TRIM47: variants seen among roughly 807,000 people sequenced by gnomAD.
TRIM47 encodes the protein E3 ubiquitin-protein ligase TRIM47.
TRIM47 carries 46 observed loss-of-function variants against 54.4 expected under a neutral mutation model. The observed-to-expected ratio is 0.84, with a 90% confidence interval of 0.67 to 1.08. The LOEUF (loss-of-function observed/expected upper bound fraction) is 1.08. Ranked by LOEUF, TRIM47 falls within the 50% of genes least tolerant of loss-of-function variation. TRIM47 has a pLI of 0.00. For synonymous variants in TRIM47, 392 were observed against 410.2 expected, an observed-to-expected ratio of 0.96 and a Z score of 0.54; for missense variants, 825 against 910.1, an observed-to-expected ratio of 0.91 and a Z score of 1.20.
chr17:75,876,570 G>A (rs555956989), intron 2 of TRIM47, 78 bp from the exon 3 acceptor site: 7 of 1,504,672 alleles, frequency 4.7e-6, no homozygotes, highest in East Asian at 4.9e-5. Flanking sequence ...CCCTGACCCC[G>A]GCTTCCCACC....
Position 75,877,786 on chromosome 17 carries a change from G to A in TRIM47, c.675+88C>T, listed in dbSNP as rs887117521. ...GAGGAGGAGATTAAGACCCAACCCG[G>A]GAAGACTGGGGGGTCCAAGGTCCTC... On this transcript the variant is annotated intron_variant, in intron 1 of 5. Transcript: ENST00000254816. The A allele has an allele frequency of 3.2e-5, 40 of 1,266,148 alleles. No homozygotes were observed. In the South Asian group the frequency reaches 5.4e-4, roughly 17 times the overall value. 78.4% of individuals were successfully genotyped at this position (1,266,148 alleles called of 1,614,324 possible).
Position 75,875,045 on chromosome 17 carries a change from A to G in TRIM47, c.1355T>C (p.Val452Ala). 1.2e-6 allele frequency: 2 copies of G among 1,613,536 alleles called. No homozygotes were observed. Among genetic ancestry groups the G allele is most frequent in the Non-Finnish European group, 1.7e-6 (2 of 1,179,614 alleles). Residue 452 changes from valine (V) to alanine (A), a missense_variant, in exon 6 of 6, where the codon GTG becomes GCG. Physicochemically the swap from Val to Ala is moderately conservative, Grantham distance 64. Transcript: ENST00000254816. This position sits in a 1 kb window ranked among gnomAD's most constrained non-coding sequence, Gnocchi z 6.1. The part of the protein sequence containing the change: ...QLFGTKGVKR[V>A]LCPINYPLSP... ...CAAGGGGTAGTTGATAGGACACAGC[A>G]CCCTCTTGACACCTTTGGTTCCAAA...
intron 2 of TRIM47, 33 bp downstream of exon 2, chr17:75,876,684 TG>T (rs2065137160): frequency 6.2e-7 from 1 of 1,609,850 alleles, no homozygotes. Context: ...TTGTTTGGAG[TG>T]GATTGTTCCA....
chr17:75,875,240 C>T lies in TRIM47; in HGVS notation c.1277-117G>A. 6.9e-7 allele frequency: 1 copy of T among 1,440,642 alleles called. No individual in the cohort carries two copies. The highest frequency in any genetic ancestry group is 9.4e-7 in the Non-Finnish European group (1 of 1,067,140). 89.2% of individuals were successfully genotyped at this position (1,440,642 alleles called of 1,614,324 possible). A position where few individuals can be genotyped will look rare whatever the true frequency, so the allele number is the denominator to read the frequency against. ...CCTCTCCCCTGCTTTCCAACCGGCA[C>T]AACCCAGCCCCGCCGGGGACCACCC... is the stretch of plus-strand genomic sequence containing the variant. On this transcript the variant is annotated intron_variant, in intron 5 of 5. Transcript: ENST00000254816. The surrounding 1 kb of genome is among the most constrained non-coding windows in gnomAD (Gnocchi z 6.1).
Position 75,875,199 on chromosome 17 carries a change from C to G in TRIM47, c.1277-76G>C, listed in dbSNP as rs1180418701. Reference sequence around the variant, plus strand: ...GGCACGGCCCCTCCCCAAGTACCCACCCCCCCAAAACACAGCCTCTCCCCT... The same window carrying G: ...GGCACGGCCCCTCCCCAAGTACCCAGCCCCCCAAAACACAGCCTCTCCCCT... On this transcript the variant is annotated intron_variant, in intron 5 of 5. Transcript: ENST00000254816. The surrounding 1 kb of genome is among the most constrained non-coding windows in gnomAD (Gnocchi z 6.1). 4 of 1,494,672 alleles carry G rather than the reference C, an allele frequency of 2.7e-6. No homozygotes were observed. Among genetic ancestry groups the G allele is most frequent in the Non-Finnish European group, 3.6e-6 (4 of 1,116,084 alleles). The allele number at this position is 1,494,672 out of a possible 1,614,324, so 92.6% of individuals were successfully genotyped here. A position where few individuals can be genotyped will look rare whatever the true frequency, so the allele number is the denominator to read the frequency against.
In TRIM47 at chr17:75,874,473, G is replaced by A. The variant is rs201003902; in HGVS notation, c.*10C>T. 3.9e-5 allele frequency: 58 copies of A among 1,491,698 alleles called. No individual in the cohort carries two copies. The highest frequency in any genetic ancestry group is 7.0e-5 in the African/African-American group (5 of 71,240). 92.4% of individuals were successfully genotyped at this position (1,491,698 alleles called of 1,614,324 possible). On this transcript the variant is annotated 3_prime_UTR_variant, in exon 6 of 6. Transcript: ENST00000254816. The surrounding 1 kb of genome is among the most constrained non-coding windows in gnomAD (Gnocchi z 6.2). The stretch of plus-strand genomic sequence containing the variant: ...AGCAGAGACGGCAGCAGGAGCGCCC[G>A]TGCCCGGCATCACCTCCTCTTCAGC...
chr17:75,876,187 C>T (rs2143971611), intron 3 of TRIM47, 75 bp downstream of exon 3: 3 of 1,564,440 alleles, frequency 1.9e-6, no homozygotes, highest in African/African-American at 1.3e-5. Flanking sequence ...AAGTCATGCA[C>T]CCACTGCCTC....
Position 75,875,567 on chromosome 17 carries a change from G to T in TRIM47, c.1202-93C>A. 8.5e-7 allele frequency: 1 copy of T among 1,178,436 alleles called. No individual in the cohort carries two copies. 73.0% of individuals were successfully genotyped at this position (1,178,436 alleles called of 1,614,324 possible). On this transcript the variant is annotated intron_variant, in intron 4 of 5. Coordinates refer to ENST00000254816, the MANE Select transcript of TRIM47 (RefSeq NM_033452.3). This position sits in a 1 kb window ranked among gnomAD's most constrained non-coding sequence, Gnocchi z 6.1. Reference sequence around the variant, plus strand: ...CCTACCCCCTTCACTTCCTCCCAGAGTCCAGAGCCACCAGGGAGCAAGCAC... The same window carrying T: ...CCTACCCCCTTCACTTCCTCCCAGATTCCAGAGCCACCAGGGAGCAAGCAC...
At position 75,875,390 on chromosome 17, in the gene TRIM47, G is replaced by A. The variant is rs371104540; in HGVS notation, c.1276+10C>T. 7.2e-5 allele frequency: 116 copies of A among 1,613,412 alleles called. No individual in the cohort carries two copies. The highest frequency in any genetic ancestry group is 9.4e-5 in the African/African-American group (7 of 74,864). On this transcript the variant is annotated intron_variant, in intron 5 of 5. Coordinates refer to ENST00000254816, the MANE Select transcript of TRIM47 (RefSeq NM_033452.3). The surrounding 1 kb of genome is among the most constrained non-coding windows in gnomAD (Gnocchi z 6.1). ...CAGTGTGAGTGGAGGGGGCACGGGC[G>A]TCCACTTACACTTGAGGAAATAGTC...
chr17:75,875,887 G>A lies in TRIM47; in HGVS notation c.1201+14C>T. 1 of 1,608,830 alleles carries A rather than the reference G, an allele frequency of 6.2e-7. No homozygotes were observed. Among genetic ancestry groups the A allele is most frequent in the Non-Finnish European group, 8.5e-7 (1 of 1,178,574 alleles). ...AGAGGGTGAGTCATCGGGGGGGCGT[G>A]GGGCGGTGCCCACCTTCCGAGTCCA... On this transcript the variant is annotated intron_variant, in intron 4 of 5. Coordinates refer to ENST00000254816, the MANE Select transcript of TRIM47 (RefSeq NM_033452.3). This position sits in a 1 kb window ranked among gnomAD's most constrained non-coding sequence, Gnocchi z 6.1.
Position 75,877,930 on chromosome 17 carries a change from G to A in TRIM47, c.619C>T (p.Gln207Ter). Residue 207 changes from glutamine (Q) to a stop codon, truncating the protein, a stop_gained, in exon 1 of 6, where the codon CAG (glutamine) becomes TAG (stop). Transcript: ENST00000254816. LOFTEE classifies it high-confidence loss of function. ...ACCAGCTCGTGGCCGCGGTGCTCCT[G>A]TGCGGCGCAGGCCTCGCACAGACAC... The part of the protein sequence containing the change: ...RVCLCEACAA[Q>*]EHRGHELVPL... 2.1e-6 allele frequency: 3 copies of A among 1,441,784 alleles called. No homozygotes were observed. The highest frequency in any genetic ancestry group is 2.6e-5 in the Admixed American group (1 of 37,774). The allele number at this position is 1,441,784 out of a possible 1,614,324, so 89.3% of individuals were successfully genotyped here. A position where few individuals can be genotyped will look rare whatever the true frequency, so the allele number is the denominator to read the frequency against.
In TRIM47 at chr17:75,874,863, G is replaced by C. The variant is rs746395622; in HGVS notation, c.1537C>G (p.Leu513Val). The change falls in exon 6 of 6, where the codon CTG becomes GTG. Residue 513 changes from leucine (L) to valine (V), a missense_variant. Transcript: ENST00000254816. This position sits in a 1 kb window ranked among gnomAD's most constrained non-coding sequence, Gnocchi z 6.2. ...SPQEPYDRGR[L>V]GRNAHSCCLQ... ...CAGCAGGAGTGGGCGTTGCGGCCCAGCCGGCCGCGGTCGTAGGGCTCTTGT... is the reference window on the plus strand; with the variant it reads ...CAGCAGGAGTGGGCGTTGCGGCCCACCCGGCCGCGGTCGTAGGGCTCTTGT... 6 of 1,614,154 alleles carry C rather than the reference G, an allele frequency of 3.7e-6. No individual in the cohort carries two copies. In the South Asian group the frequency reaches 5.5e-5, roughly 15 times the overall value.
chr17:75,877,510 A>G, intron 1 of TRIM47: 1 of 338,724 alleles, frequency 3.0e-6, no homozygotes, highest in Non-Finnish European at 4.7e-6. Flanking sequence ...GCCTCAGCCC[A>G]GGGCAAATCT....
intron 1 of TRIM47, chr17:75,877,193 C>G (rs941501241): frequency 7.3e-6 from 2 of 275,340 alleles, no homozygotes; most frequent in African/African-American, 4.3e-5. Flanking sequence ...CACAAGGAGG[C>G]ATTAAGCTGT....
Position 75,877,928 on chromosome 17 carries a change from C to T in TRIM47, c.621G>A (p.Gln207=), listed in dbSNP as rs767348663. The T allele has an allele frequency of 1.6e-5, 23 of 1,440,020 alleles. No homozygotes were observed. The highest frequency in any genetic ancestry group is 2.7e-5 in the Admixed American group (1 of 37,570). 89.2% of individuals were successfully genotyped at this position (1,440,020 alleles called of 1,614,324 possible). A position where few individuals can be genotyped will look rare whatever the true frequency, so the allele number is the denominator to read the frequency against. Residue 207 remains glutamine, a synonymous_variant, in exon 1 of 6, where the codon CAG becomes CAA. Coordinates refer to ENST00000254816, the MANE Select transcript of TRIM47 (RefSeq NM_033452.3). ...RVCLCEACAA[Q]EHRGHELVPL... Reference sequence around the variant, plus strand: ...GCACCAGCTCGTGGCCGCGGTGCTCCTGTGCGGCGCAGGCCTCGCACAGAC... The same window carrying T: ...GCACCAGCTCGTGGCCGCGGTGCTCTTGTGCGGCGCAGGCCTCGCACAGAC...
Position 75,875,847 on chromosome 17 carries a change from G to A in TRIM47, c.1201+54C>T, listed in dbSNP as rs1200794381. 9 of 1,574,258 alleles carry A rather than the reference G, an allele frequency of 5.7e-6. 1 individual carries two copies. The highest frequency in any genetic ancestry group is 1.9e-4 in the Middle Eastern group (1 of 5,204). ...GGATGGGCGCCAGGCCTGGGGGCCTGTGCGAGAGGCTGGCAGAGGGTGAGT... is the reference window on the plus strand; with the variant it reads ...GGATGGGCGCCAGGCCTGGGGGCCTATGCGAGAGGCTGGCAGAGGGTGAGT... On this transcript the variant is annotated intron_variant, in intron 4 of 5. Transcript: ENST00000254816. The surrounding 1 kb of genome is among the most constrained non-coding windows in gnomAD (Gnocchi z 6.1).
chr17:75,877,256 AAAG>A lies in TRIM47; in HGVS notation c.676-446_676-444del, dbSNP rs1599437921. Reference sequence around the variant, plus strand: ...TGCATCCACAGTCCAGGCCTGGAAAAAAGGGGATTCCGGGCAAATCCCCTAGGT... The same window carrying A: ...TGCATCCACAGTCCAGGCCTGGAAAAGGGATTCCGGGCAAATCCCCTAGGT... On this transcript the variant is annotated intron_variant, in intron 1 of 5. Coordinates refer to ENST00000254816, the MANE Select transcript of TRIM47 (RefSeq NM_033452.3). The A allele has an allele frequency of 2.3e-5, 4 of 174,298 alleles. No homozygotes were observed. In the East Asian group the frequency reaches 6.3e-4, roughly 28 times the overall value. 10.8% of individuals were successfully genotyped at this position (174,298 alleles called of 1,614,324 possible). A position where few individuals can be genotyped will look rare whatever the true frequency, so the allele number is the denominator to read the frequency against.
In TRIM47 at chr17:75,874,633, G is replaced by A; in HGVS notation, c.1767C>T (p.Pro589=). The change falls in exon 6 of 6, where the codon CCC becomes CCT. Residue 589 remains proline, a synonymous_variant. Transcript: ENST00000254816. This position sits in a 1 kb window ranked among gnomAD's most constrained non-coding sequence, Gnocchi z 6.2. ...RPRRGGIPAS[P]IDPFQSRLDS... is the part of the protein sequence containing the mutation. Reference sequence around the variant, plus strand: ...CCAGGCGGCTCTGGAAGGGGTCAATGGGGGAGGCCGGGATGCCACCCCGGC... The same window carrying A: ...CCAGGCGGCTCTGGAAGGGGTCAATAGGGGAGGCCGGGATGCCACCCCGGC... 1 of 1,585,370 alleles carries A rather than the reference G, an allele frequency of 6.3e-7. No individual in the cohort carries two copies. The highest frequency in any genetic ancestry group is 8.6e-7 in the Non-Finnish European group (1 of 1,164,782).
At position 75,874,594 on chromosome 17, in the gene TRIM47, C is replaced by T. The variant is rs373437601; in HGVS notation, c.1806G>A (p.Ala602=). ...PFQSRLDSHF[A]GLFTHRLKPA... The stretch of plus-strand genomic sequence containing the variant: ...GCTTGAGTCTGTGGGTGAAGAGCCC[C>T]GCAAAGTGACTGTCCAGGCGGCTCT... The change falls in exon 6 of 6, where the codon GCG becomes GCA. Residue 602 remains alanine (A), a synonymous_variant. Transcript: ENST00000254816. This position sits in a 1 kb window ranked among gnomAD's most constrained non-coding sequence, Gnocchi z 6.2. The T allele has an allele frequency of 4.6e-4, 719 of 1,549,204 alleles. 9 individuals are homozygous for T. The South Asian group carries it at 7.9e-3, about 17-fold the overall frequency.
Sources: gnomAD v4.1 joint callset for allele counts on GRCh38, gnomAD v4.1.1 for gene constraint, Gnocchi (gnomAD v3.1) non-coding constraint, MANE v1.5 for transcripts, NCBI Gene and HGNC (gene_info 2026-07-23, HGNC 2026-07-21) for gene names.